The following UBE4B variants were observed in gnomAD, a reference collection of about 807,000 sequenced individuals.
UBE4B encodes ubiquitin conjugation factor E4 B.
A neutral mutation model predicts 148.1 loss-of-function variants in UBE4B; 27 were observed. The ratio of observed to expected loss-of-function variants is 0.18; its 90% CI spans 0.13 to 0.25. The LOEUF is 0.25. UBE4B is among the 10% of genes least tolerant of loss of function. UBE4B has a pLI of 1.00. For missense variants in UBE4B, 1,170 were observed against 1,662.4 expected, an observed-to-expected ratio of 0.70 and a Z score of 5.15; for synonymous variants, 596 against 619.3, an observed-to-expected ratio of 0.96 and a Z score of 0.56.
intron 8 of UBE4B, among the ~76,000 whole-genome samples, chr1:10,118,017 G>A (rs144341693): frequency 2.6e-5 from 4 of 152,130 alleles, no homozygotes; most frequent in East Asian, 1.9e-4. Context: ...AGTGGAACCC[G>A]GTATAACATA....
intron 1 of UBE4B, among the ~76,000 whole-genome samples, chr1:10,037,379 A>G (rs749309746): frequency 6.6e-6 from 1 of 152,102 alleles, no homozygotes; most frequent in South Asian, 2.1e-4. Context: ...TGTTATTTAT[A>G]TAGTGTATTA....
chr1:10,108,582 C>G (rs1357811872), intron 7 of UBE4B, among the ~76,000 whole-genome samples: 1 of 152,152 alleles, frequency 6.6e-6, no homozygotes, highest in Non-Finnish European at 1.5e-5. Context: ...GTGCCCAGCA[C>G]TGTTCAAAAA....
At chr1:10,174,814 A>G (rs1317979603) in intron 25 of UBE4B, among the ~76,000 whole-genome samples, 2 of 151,400 alleles carry the variant, frequency 1.3e-5, no homozygotes, top group Non-Finnish European at 2.9e-5. Context: ...GGGCCTGCTT[A>G]CTTGATTGTT....
chr1:10,094,849 G>A (rs1644906138), intron 2 of UBE4B, among the ~76,000 whole-genome samples: 1 of 151,936 alleles, frequency 6.6e-6, no homozygotes, highest in Admixed American at 6.6e-5. Context: ...GGAGTGCGGT[G>A]GTGTGATCTT....
intron 2 of UBE4B, among the ~76,000 whole-genome samples, chr1:10,076,183 T>C (rs1368863950): frequency 1.3e-5 from 2 of 152,148 alleles, no homozygotes; most frequent in African/African-American, 2.4e-5. Flanking sequence ...GGTAGATTTA[T>C]TATCCACCGA....
chr1:10,054,607 G>T, intron 1 of UBE4B: 1 of 258,480 alleles, frequency 3.9e-6, no homozygotes, highest in Non-Finnish European at 7.7e-6. Flanking sequence ...CGCTTAATGT[G>T]CTCAATATGC....
intron 20 of UBE4B, among the ~76,000 whole-genome samples, chr1:10,150,003 T>C (rs1645943642): frequency 6.6e-6 from 1 of 151,804 alleles, no homozygotes; most frequent in African/African-American, 2.4e-5. Context: ...ATAGTATAGG[T>C]CCCCAGTCAC....
chr1:10,140,021 C>A (rs1196138628), intron 17 of UBE4B, among the ~76,000 whole-genome samples: 1 of 152,156 alleles, frequency 6.6e-6, no homozygotes, highest in Non-Finnish European at 1.5e-5. Context: ...GCACCCGGCC[C>A]ATTTTAATTG....
At chr1:10,058,501 CAGGCAGTG>C (rs1207458901) in intron 1 of UBE4B, among the ~76,000 whole-genome samples, 1 of 152,134 alleles carries the variant, frequency 6.6e-6, no homozygotes, top group Non-Finnish European at 1.5e-5. Flanking sequence ...GCACAGGAGC[CAGGCAGTG>C]AGGCATGGGG....
At chr1:10,104,648 T>C (rs1645076608) in intron 5 of UBE4B, among the ~76,000 whole-genome samples, 2 of 152,244 alleles carry the variant, frequency 1.3e-5, no homozygotes, top group African/African-American at 2.4e-5. Flanking sequence ...GAGCAGACCA[T>C]GTATTTGAAA....
intron 23 of UBE4B, among the ~76,000 whole-genome samples, chr1:10,166,970 C>CACAA (rs1333675469): frequency 2.0e-4 from 27 of 133,248 alleles, no homozygotes; most frequent in South Asian, 6.9e-4. Flanking sequence ...CACACACACA[C>CACAA]AAAAAAAAAA....
At chr1:10,090,320 G>C (rs1423793806) in intron 2 of UBE4B, among the ~76,000 whole-genome samples, 1 of 151,956 alleles carries the variant, frequency 6.6e-6, no homozygotes, top group Non-Finnish European at 1.5e-5. Context: ...GGGTCTCCCT[G>C]TGTCACGCAG....
At chr1:10,040,557 G>C (rs1220341928) in intron 1 of UBE4B, among the ~76,000 whole-genome samples, 1 of 151,808 alleles carries the variant, frequency 6.6e-6, no homozygotes, top group Non-Finnish European at 1.5e-5. Context: ...AAAAAGATGA[G>C]TCCACATGTA....
At chr1:10,150,336 C>T (rs1031123589) in intron 20 of UBE4B, among the ~76,000 whole-genome samples, 1 of 152,116 alleles carries the variant, frequency 6.6e-6, no homozygotes, top group African/African-American at 2.4e-5. Context: ...ACTCAAGTCA[C>T]ATTTTAAAAT....
At chr1:10,160,464 G>A (rs1646142896) in intron 22 of UBE4B, among the ~76,000 whole-genome samples, 1 of 152,100 alleles carries the variant, frequency 6.6e-6, no homozygotes, top group African/African-American at 2.4e-5. Flanking sequence ...GCCTGCTCTG[G>A]GAAGCAGGGT....
rs1645658799 is a variant in UBE4B at position 10,135,175 on chromosome 1, T to C, written c.2213T>C (p.Leu738Pro). The change falls in exon 16 of 28, where the codon CTG (leucine) becomes CCG (proline). Residue 738 changes from leucine (L) to proline (P), a missense_variant. Transcript: ENST00000343090. Reference sequence around the variant, plus strand: ...ACGATGGAAGATGTGAATGACTGGCTGACTGAACTCTGTGAGTACTGTGTT... The same window carrying C: ...ACGATGGAAGATGTGAATGACTGGCCGACTGAACTCTGTGAGTACTGTGTT... ...NATMEDVNDWLTELYGDQPPF... is the reference protein window; with the variant it reads ...NATMEDVNDWPTELYGDQPPF... 1.9e-6 allele frequency: 3 copies of C among 1,613,412 alleles called. No individual in the cohort carries two copies. The highest frequency in any genetic ancestry group is 2.5e-6 in the Non-Finnish European group (3 of 1,179,728).
At chr1:10,129,982 A>G (rs1645565979) in intron 12 of UBE4B, among the ~76,000 whole-genome samples, 1 of 151,940 alleles carries the variant, frequency 6.6e-6, no homozygotes, top group Admixed American at 6.6e-5. Flanking sequence ...GTATTGTACA[A>G]CTAAACTAAC....
intron 3 of UBE4B, among the ~76,000 whole-genome samples, chr1:10,100,184 T>A (rs1427981133): frequency 6.6e-6 from 1 of 151,984 alleles, no homozygotes; most frequent in Non-Finnish European, 1.5e-5. Flanking sequence ...TAGAGACGGG[T>A]TTCACCATGT....
chr1:10,178,633 C>T lies in UBE4B; in HGVS notation c.3526-11C>T. The T allele has an allele frequency of 6.4e-7, 1 of 1,574,778 alleles. No homozygotes were observed. Among genetic ancestry groups the T allele is most frequent in the Non-Finnish European group, 8.6e-7 (1 of 1,160,922 alleles). ...ACATTTACGTCTCACATTGCCATTC[C>T]TCCTTTGCAGAGATCCTACAGTAAG... On this transcript the variant is annotated splice_polypyrimidine_tract_variant and intron_variant, in intron 25 of 27. Coordinates refer to ENST00000343090, the MANE Select transcript of UBE4B (RefSeq NM_001105562.3).
Sources: allele counts gnomAD v4.1 joint callset (sites outside exome capture counted in the v4.1 genomes callset), GRCh38; gene constraint gnomAD v4.1.1; transcripts MANE v1.5; gene names NCBI Gene and HGNC (gene_info 2026-07-23, HGNC 2026-07-21).